The following USP34 variants were observed in gnomAD, a reference collection of about 807,000 sequenced individuals.
USP34 encodes the protein ubiquitin specific peptidase 34, also known as ubiquitin carboxyl-terminal hydrolase 34.
A neutral mutation model predicts 460.3 loss-of-function variants in USP34; 70 were observed. The ratio of observed to expected loss-of-function variants is 0.15; its 90% confidence interval spans 0.13 to 0.19. USP34 has a LOEUF of 0.19. USP34 is among the 10% of genes least tolerant of loss of function. The pLI is 1.00. For synonymous variants in USP34, 1,647 were observed against 1,405.3 expected, an observed-to-expected ratio of 1.17 and a Z score of -3.85; for missense variants, 3,985 against 4,236.2, an observed-to-expected ratio of 0.94 and a Z score of 1.65.
intron 41 of USP34, among the ~76,000 whole-genome samples, chr2:61,272,167 T>G (rs1689235134): frequency 6.6e-6 from 1 of 152,150 alleles, no homozygotes; most frequent in Non-Finnish European, 1.5e-5. Flanking sequence ...ATCCCAGCAC[T>G]TTGGGAGGCA....
intron 75 of USP34, among the ~76,000 whole-genome samples, chr2:61,195,932 G>C (rs1006585011): frequency 6.6e-6 from 1 of 151,592 alleles, no homozygotes; most frequent in African/African-American, 2.4e-5. Context: ...TTGAGACAAG[G>C]TCTGGCTCTT....
chr2:61,382,289 T>C (rs1015975053), intron 6 of USP34, among the ~76,000 whole-genome samples: 21 of 152,180 alleles, frequency 1.4e-4, no homozygotes, highest in Non-Finnish European at 1.5e-5. Flanking sequence ...GCCTACAAGG[T>C]CCTGAATAAT....
intron 1 of USP34, among the ~76,000 whole-genome samples, chr2:61,434,047 C>A (rs1165567431): frequency 6.6e-6 from 1 of 152,148 alleles, no homozygotes; most frequent in East Asian, 1.9e-4. Flanking sequence ...CATAAGCCAA[C>A]CAAGCCACTA....
intron 10 of USP34, among the ~76,000 whole-genome samples, chr2:61,360,714 T>C (rs1434867345): frequency 6.6e-6 from 1 of 152,218 alleles, no homozygotes; most frequent in Non-Finnish European, 1.5e-5. Flanking sequence ...TGGAGTACAG[T>C]GGCACCATCT....
intron 67 of USP34, among the ~76,000 whole-genome samples, chr2:61,216,326 T>C (rs567473170): frequency 1.5e-4 from 23 of 152,230 alleles, no homozygotes; most frequent in South Asian, 2.1e-4. Flanking sequence ...GGCGGCTGGG[T>C]GCGGTGGCTC....
At chr2:61,366,208 G>A (rs938762954) in intron 10 of USP34, among the ~76,000 whole-genome samples, 9 of 152,210 alleles carry the variant, frequency 5.9e-5, no homozygotes, top group African/African-American at 1.4e-4. Context: ...GTAGGCGTGA[G>A]CCACCACGCC....
chr2:61,243,212 T>C (rs1394979912), intron 51 of USP34, among the ~76,000 whole-genome samples: 1 of 151,928 alleles, frequency 6.6e-6, no homozygotes, highest in East Asian at 1.9e-4. Flanking sequence ...AATGGCGCGA[T>C]GTCGGCTCAC....
At chr2:61,300,112 A>C (rs1356520631) in intron 29 of USP34, among the ~76,000 whole-genome samples, 1 of 152,194 alleles carries the variant, frequency 6.6e-6, no homozygotes, top group Non-Finnish European at 1.5e-5. Context: ...TGCTTTACTG[A>C]CTTTGTTACT....
At chr2:61,383,797 AAGAGT>A (rs1435665727) in intron 5 of USP34, among the ~76,000 whole-genome samples, 1 of 152,210 alleles carries the variant, frequency 6.6e-6, no homozygotes, top group Non-Finnish European at 1.5e-5. Flanking sequence ...CAATTATGAA[AAGAGT>A]ATAGTACAAA....
At chr2:61,298,619 C>T (rs992997207) in intron 29 of USP34, among the ~76,000 whole-genome samples, 3 of 142,082 alleles carry the variant, frequency 2.1e-5, no homozygotes, top group African/African-American at 7.8e-5. Flanking sequence ...AGTCTCACTA[C>T]TCAGACTAAC....
intron 75 of USP34, among the ~76,000 whole-genome samples, chr2:61,198,582 A>C (rs1686879056): frequency 6.8e-6 from 1 of 147,838 alleles, no homozygotes; most frequent in Admixed American, 6.8e-5. Context: ...TTTAAGAGAG[A>C]GAAATAGGCT....
intron 2 of USP34, among the ~76,000 whole-genome samples, chr2:61,407,311 AC>A (rs145455290): frequency 0.13 from 19,772 of 152,182 alleles, 1,431 homozygotes; most frequent in African/African-American, 0.16. Flanking sequence ...GGAGGCTGAG[AC>A]AGCAGTGAAC....
chr2:61,231,852 TTATAAATA>T (rs1377532325), intron 58 of USP34, among the ~76,000 whole-genome samples: 2 of 149,090 alleles, frequency 1.3e-5, no homozygotes, highest in African/African-American at 4.9e-5. Flanking sequence ...CTATATAAAT[TTATAAATA>T]TATAAATATG....
intron 47 of USP34, 55 bp downstream of exon 47, chr2:61,256,818 T>A (rs1253379098): frequency 5.9e-6 from 8 of 1,360,698 alleles, no homozygotes; most frequent in Non-Finnish European, 8.0e-6. Context: ...ACAAACCCGC[T>A]ATACACAAAT....
intron 5 of USP34, among the ~76,000 whole-genome samples, chr2:61,383,631 C>T (rs1693043889): frequency 6.6e-6 from 1 of 151,522 alleles, no homozygotes; most frequent in Non-Finnish European, 1.5e-5. Flanking sequence ...TGAACCCCCA[C>T]CCCCGGGGGG....
intron 29 of USP34, among the ~76,000 whole-genome samples, 180 bp downstream of exon 29, chr2:61,300,771 G>C (rs1690192808): frequency 6.7e-6 from 1 of 149,524 alleles, no homozygotes; most frequent in Non-Finnish European, 1.5e-5. Flanking sequence ...ACTCCAGCCT[G>C]GTCAACAGAG....
chr2:61,244,398 T>G (rs1302101231), intron 51 of USP34, among the ~76,000 whole-genome samples: 1 of 152,126 alleles, frequency 6.6e-6, no homozygotes, highest in African/African-American at 2.4e-5. Flanking sequence ...GTGGATTACT[T>G]GGGTTCAGGG....
At chr2:61,445,775 C>G (rs895912533) in intron 1 of USP34, among the ~76,000 whole-genome samples, 15 of 151,914 alleles carry the variant, frequency 9.9e-5, no homozygotes, top group African/African-American at 3.6e-4. Context: ...GACACCCAGT[C>G]TCTATTTTTA....
chr2:61,205,791 C>T (rs888856028), intron 72 of USP34, among the ~76,000 whole-genome samples: 4 of 152,116 alleles, frequency 2.6e-5, no homozygotes, highest in African/African-American at 7.2e-5. Flanking sequence ...GAACTAAGGT[C>T]GGGGAGACTG....
Sources: gnomAD v4.1 joint callset for allele counts (sites outside exome capture counted in the v4.1 genomes callset) on GRCh38, gnomAD v4.1.1 for gene constraint, MANE v1.5 for transcripts, NCBI Gene and HGNC (gene_info 2026-07-23, HGNC 2026-07-21) for gene names.